MDGA2: variants seen among roughly 807,000 people sequenced by gnomAD.
MDGA2 encodes the protein MAM domain-containing glycosylphosphatidylinositol anchor protein 2.
MDGA2 carries 40 observed loss-of-function variants against 117.8 expected under a neutral mutation model. That is an observed-to-expected ratio of 0.34 (90% CI 0.26 to 0.44). The LOEUF (loss-of-function observed/expected upper bound fraction) is 0.44, where lower values mean the gene tolerates loss of function less well. Ranked by LOEUF, MDGA2 falls within the 20% of genes least tolerant of loss-of-function variation. The pLI, the probability that MDGA2 is intolerant of heterozygous loss-of-function variation, is 1.00. For missense variants in MDGA2, 1,123 were observed against 1,250.6 expected (o/e 0.90, Z 1.54); for synonymous variants, 452 against 439.0 (o/e 1.03, Z -0.37).
At chr14:47,128,698 CT>C (rs35221831) in intron 5 of MDGA2, among the ~76,000 whole-genome samples, 4,682 of 137,942 alleles carry the variant, frequency 0.034, 116 homozygotes, top group African/African-American at 0.096. Flanking sequence ...ATTTCCATCA[CT>C]TTTTTTTTTT....
At chr14:47,502,675 A>AT (rs912646277) in intron 1 of MDGA2, among the ~76,000 whole-genome samples, 4 of 151,828 alleles carry the variant, frequency 2.6e-5, no homozygotes, top group Admixed American at 6.6e-5. Flanking sequence ...TATTATTTGT[A>AT]TTTTTTTGGG....
At chr14:47,612,910 A>C (rs1896878984) in intron 1 of MDGA2, among the ~76,000 whole-genome samples, 1 of 152,198 alleles carries the variant, frequency 6.6e-6, no homozygotes, top group South Asian at 2.1e-4. Flanking sequence ...CAAGTTTATT[A>C]GCAGGACCTA....
rs563551757 is a variant in MDGA2, at chr14:47,175,111, T to C, written c.596-30837A>G. On this transcript the variant is annotated intron_variant, in intron 3 of 16. Coordinates refer to ENST00000399232, the MANE Select transcript of MDGA2 (RefSeq NM_001113498.3). Reference sequence around the variant, plus strand: ...AAGACTAAACCAGGAAGAAGTTGAATCTCTGAATAGACCAATAACAGGCTC... The same window carrying C: ...AAGACTAAACCAGGAAGAAGTTGAACCTCTGAATAGACCAATAACAGGCTC... 9.1e-4 allele frequency among the ~76,000 whole-genome samples: 138 copies of C among 151,636 alleles called. 1 individual carries two copies. Among genetic ancestry groups the C allele is most frequent in the African/African-American group, 3.3e-3 (135 of 41,158 alleles).
At chr14:46,905,447 C>A (rs538497888) in intron 10 of MDGA2, among the ~76,000 whole-genome samples, 1 of 151,988 alleles carries the variant, frequency 6.6e-6, no homozygotes, top group Non-Finnish European at 1.5e-5. Flanking sequence ...TTTGAGATTG[C>A]GTGCAAACTA....
intron 8 of MDGA2, chr14:46,996,660 T>C (rs1426729607): frequency 6.4e-6 from 1 of 155,060 alleles, no homozygotes; most frequent in Admixed American, 6.5e-5. Flanking sequence ...GCCAATATTG[T>C]TGATGAAATG....
chr14:47,211,057 T>A (rs1484771170), intron 3 of MDGA2, among the ~76,000 whole-genome samples: 4 of 152,190 alleles, frequency 2.6e-5, no homozygotes, highest in Admixed American at 2.6e-4. Flanking sequence ...AGATCATCAT[T>A]CATATGGTAA....
chr14:47,435,773 A>G (rs1892884501), intron 1 of MDGA2, among the ~76,000 whole-genome samples: 1 of 152,072 alleles, frequency 6.6e-6, no homozygotes, highest in African/African-American at 2.4e-5. Context: ...ACTGTGATGG[A>G]TGATTCCACT....
chr14:47,285,638 A>T (rs935695857), intron 2 of MDGA2, among the ~76,000 whole-genome samples: 1 of 152,110 alleles, frequency 6.6e-6, no homozygotes, highest in African/African-American at 2.4e-5. Context: ...AGTGTCTTTA[A>T]GTCCAAGCTG....
chr14:47,046,284 T>C (rs995233199), intron 7 of MDGA2, among the ~76,000 whole-genome samples: 1 of 151,064 alleles, frequency 6.6e-6, no homozygotes, highest in Non-Finnish European at 1.5e-5. Flanking sequence ...CCTATAACCA[T>C]TTCTGAGAAC....
intron 10 of MDGA2, among the ~76,000 whole-genome samples, chr14:46,916,527 T>C (rs527936224): frequency 2.6e-5 from 4 of 152,340 alleles, no homozygotes; most frequent in Admixed American, 6.5e-5. Flanking sequence ...TAGAATACTT[T>C]TGCCCTACCA....
chr14:47,518,261 C>G (rs2138707324), intron 1 of MDGA2, among the ~76,000 whole-genome samples: 1 of 152,198 alleles, frequency 6.6e-6, no homozygotes, highest in Non-Finnish European at 1.5e-5. Flanking sequence ...GTGAGTTCAC[C>G]AGGCTTCACA....
intron 12 of MDGA2, 142 bp from the exon 13 acceptor site, chr14:46,874,342 G>T: frequency 2.7e-6 from 1 of 373,524 alleles, no homozygotes; most frequent in Admixed American, 4.6e-5. Context: ...TGGTGCAGAA[G>T]ATTACAACTA....
chr14:46,880,070 G>A (rs531640171), intron 11 of MDGA2, among the ~76,000 whole-genome samples: 13 of 152,210 alleles, frequency 8.5e-5, no homozygotes, highest in East Asian at 7.7e-4. Flanking sequence ...GCTCATGCCC[G>A]TAATCCAAGC....
intron 8 of MDGA2, among the ~76,000 whole-genome samples, chr14:46,990,812 A>G (rs1352233641): frequency 6.6e-6 from 1 of 151,922 alleles, no homozygotes; most frequent in Non-Finnish European, 1.5e-5. Flanking sequence ...AAAGGTATAA[A>G]CATCAAGCTT....
At chr14:47,423,795 ATTTATTTTAT>A (rs150211789) in intron 1 of MDGA2, among the ~76,000 whole-genome samples, 6 of 150,338 alleles carry the variant, frequency 4.0e-5, no homozygotes, top group African/African-American at 1.2e-4. Flanking sequence ...TTATTTAACT[ATTTATTTTAT>A]TTTATTTTAT....
At chr14:47,568,433 A>G (rs1036884595) in intron 1 of MDGA2, among the ~76,000 whole-genome samples, 1 of 152,192 alleles carries the variant, frequency 6.6e-6, no homozygotes. Flanking sequence ...TTAATAACCA[A>G]TTTTTAGCAA....
At chr14:47,556,393 C>T (rs977256650) in intron 1 of MDGA2, among the ~76,000 whole-genome samples, 1 of 152,206 alleles carries the variant, frequency 6.6e-6, no homozygotes, top group African/African-American at 2.4e-5. Context: ...CCTTTCTTCA[C>T]ACAATCCCCT....
At chr14:47,379,323 C>T (rs8015962) in intron 1 of MDGA2, among the ~76,000 whole-genome samples, 109,892 of 151,964 alleles carry the variant, frequency 0.72, 39,979 homozygotes, top group Middle Eastern at 0.82. Flanking sequence ...ATGAGCAAAA[C>T]AACCAGTTAA....
At chr14:47,278,868 T>C (rs1888386639) in intron 2 of MDGA2, among the ~76,000 whole-genome samples, 2 of 152,178 alleles carry the variant, frequency 1.3e-5, no homozygotes, top group African/African-American at 4.8e-5. Flanking sequence ...GCCAGCACTG[T>C]GTTTCCACTT....
Sources: allele counts gnomAD v4.1 joint callset (sites outside exome capture counted in the v4.1 genomes callset), GRCh38; gene constraint gnomAD v4.1.1; transcripts MANE v1.5; gene names NCBI Gene and HGNC (gene_info 2026-07-23, HGNC 2026-07-21).